PLAGL1: variants seen among roughly 807,000 people sequenced by gnomAD.
The protein encoded by PLAGL1 is zinc finger protein PLAGL1.
Under a neutral mutation model 4.6 loss-of-function variants are expected in PLAGL1, and 1 was observed. The ratio of observed to expected loss-of-function variants is 0.22; its 90% confidence interval spans 0.08 to 1.03. PLAGL1 has a LOEUF of 1.03. PLAGL1 is among the 50% of genes least tolerant of loss of function. The probability of loss-of-function intolerance (pLI) is 0.58; values close to 1 mark genes in which losing one functional copy is unlikely to be tolerated. For synonymous variants in PLAGL1, 240 were observed against 237.8 expected (o/e 1.01, Z -0.08); for missense variants, 464 against 570.4 (o/e 0.81, Z 1.90).
chr6:144,030,058 C>G (rs750204466), intron 1 of PLAGL1, among the ~76,000 whole-genome samples: 3 of 151,884 alleles, frequency 2.0e-5, no homozygotes, highest in Non-Finnish European at 4.4e-5. Context: ...TCGAGACCAT[C>G]CTGGTTAACA....
rs1796035900 is a variant in PLAGL1 at position 144,022,405 on chromosome 6, T to C, written c.-151+42063A>G. On this transcript the variant is annotated intron_variant, in intron 1 of 3. Coordinates refer to the PLAGL1 transcript ENST00000437412. The surrounding 1 kb of genome is among the most constrained non-coding windows in gnomAD (Gnocchi z 4.2). ...TGACAATACAAAATGTTAACAAGGA[T>C]GCAGAGCAACAATCCATCATTGGTG... 6.6e-6 allele frequency among the ~76,000 whole-genome samples: 1 copy of C among 152,250 alleles called. No individual in the cohort carries two copies. The highest frequency in any genetic ancestry group is 1.5e-5 in the Non-Finnish European group (1 of 68,050).
intron 1 of PLAGL1, among the ~76,000 whole-genome samples, chr6:144,062,752 T>C (rs1021399367): frequency 8.5e-5 from 13 of 152,268 alleles, no homozygotes; most frequent in Non-Finnish European, 1.9e-4. Context: ...ACAGCATTTA[T>C]TCATCTTTAT....
chr6:144,045,000 CTTTTTTT>C (rs138373370), intron 1 of PLAGL1, among the ~76,000 whole-genome samples: 2 of 47,322 alleles, frequency 4.2e-5, no homozygotes, highest in South Asian at 1.0e-3. Flanking sequence ...GCAACCCCTG[CTTTTTTT>C]TTTTTTTTTT....
At position 143,972,967 on chromosome 6, in the gene PLAGL1, T is replaced by C. The variant is rs1210230135; in HGVS notation, c.-543-3989A>G. On this transcript the variant is annotated intron_variant, in intron 2 of 7. Coordinates refer to ENST00000674357, the MANE Select transcript of PLAGL1 (RefSeq NM_001317162.2). The surrounding 1 kb of genome is among the most constrained non-coding windows in gnomAD (Gnocchi z 6.8). Reference sequence around the variant, plus strand: ...TGTTCATTACACACTAGCCCCAAACTTGAGTAATTCTAATGTAAGCATGAG... The same window carrying C: ...TGTTCATTACACACTAGCCCCAAACCTGAGTAATTCTAATGTAAGCATGAG... Among the ~76,000 whole-genome samples, 4 of 152,232 alleles carry C rather than the reference T, an allele frequency of 2.6e-5. No individual in the cohort carries two copies. Among genetic ancestry groups the C allele is most frequent in the African/African-American group, 9.6e-5 (4 of 41,458 alleles).
Position 143,990,389 on chromosome 6 carries a change from G to T in PLAGL1, c.-583-5215C>A, listed in dbSNP as rs766622864. Among the ~76,000 whole-genome samples the T allele has an allele frequency of 3.9e-5, 6 of 152,152 alleles. No homozygotes were observed. Among genetic ancestry groups the T allele is most frequent in the South Asian group, 2.1e-4 (1 of 4,824 alleles). On this transcript the variant is annotated intron_variant, in intron 1 of 7. Coordinates refer to ENST00000674357, the MANE Select transcript of PLAGL1 (RefSeq NM_001317162.2). The surrounding 1 kb of genome is among the most constrained non-coding windows in gnomAD (Gnocchi z 5.4). Reference sequence around the variant, plus strand: ...CCGCCTTGGCCTCCCAAAGTGCAGGGATTACAGGTGTGAGCCATCGTGCCC... The same window carrying T: ...CCGCCTTGGCCTCCCAAAGTGCAGGTATTACAGGTGTGAGCCATCGTGCCC...
intron 6 of PLAGL1, among the ~76,000 whole-genome samples, chr6:143,951,028 G>GTGTT (rs1196853872): frequency 6.6e-6 from 1 of 152,198 alleles, no homozygotes; most frequent in African/African-American, 2.4e-5. Flanking sequence ...TGAGCCTCAG[G>GTGTT]TGTTTACCCT....
chr6:144,026,034 A>G (rs1044623050), intron 1 of PLAGL1, among the ~76,000 whole-genome samples: 3 of 152,206 alleles, frequency 2.0e-5, no homozygotes, highest in African/African-American at 7.2e-5. Flanking sequence ...ACCTCTAAAG[A>G]ATTTCTCCAG....
In PLAGL1 at chr6:143,990,131, T is replaced by G. The variant is rs1364185538; in HGVS notation, c.-583-4957A>C. 6.6e-6 allele frequency among the ~76,000 whole-genome samples: 1 copy of G among 152,144 alleles called. No individual in the cohort carries two copies. The highest frequency in any genetic ancestry group is 2.4e-5 in the African/African-American group (1 of 41,424). On this transcript the variant is annotated intron_variant, in intron 1 of 7. Coordinates refer to ENST00000674357, the MANE Select transcript of PLAGL1 (RefSeq NM_001317162.2). This position sits in a 1 kb window ranked among gnomAD's most constrained non-coding sequence, Gnocchi z 5.4. ...CTGATATTCCCCAATTTTTTTTTTTTTCTTTTTTGAGATGGAGTCTCGCTC... is the reference window on the plus strand; with the variant it reads ...CTGATATTCCCCAATTTTTTTTTTTGTCTTTTTTGAGATGGAGTCTCGCTC...
chr6:144,062,958 A>G (rs1278179431), intron 1 of PLAGL1, among the ~76,000 whole-genome samples: 1 of 152,164 alleles, frequency 6.6e-6, no homozygotes, highest in East Asian at 1.9e-4. Flanking sequence ...TGAGAAGAGG[A>G]AGCAGAAATG....
Position 143,987,584 on chromosome 6 carries a change from T to A in PLAGL1, c.-583-2410A>T, listed in dbSNP as rs572566593. Among the ~76,000 whole-genome samples the A allele has an allele frequency of 3.3e-5, 5 of 151,736 alleles. No homozygotes were observed. The South Asian group carries it at 1.0e-3, about 32-fold the overall frequency. On this transcript the variant is annotated intron_variant, in intron 1 of 7. Transcript: ENST00000674357. Reference sequence around the variant, plus strand: ...TTCTTAAAGGTGGGTAAGCAAAAGATCAGGGTGAAGGAAACCCTCTCCTTT... The same window carrying A: ...TTCTTAAAGGTGGGTAAGCAAAAGAACAGGGTGAAGGAAACCCTCTCCTTT...
upstream of PLAGL1, chr6:144,008,589 C>T (rs79396063): frequency 0.17 from 25,386 of 152,220 alleles, 2,323 homozygotes; most frequent in Admixed American, 0.28. The surrounding 1 kb of genome is among the most constrained non-coding windows in gnomAD (Gnocchi z 6.9). Flanking sequence ...CCAGGTACAG[C>T]GCTGGCGCAG....
intron 1 of PLAGL1, among the ~76,000 whole-genome samples, chr6:144,026,075 C>T (rs1020647611): frequency 6.6e-6 from 1 of 152,254 alleles, no homozygotes; most frequent in South Asian, 2.1e-4. Flanking sequence ...CTTTCCCAAC[C>T]CATTCATTCA....
intron 1 of PLAGL1, among the ~76,000 whole-genome samples, chr6:144,030,345 T>TA (rs1796720177): frequency 6.6e-6 from 1 of 151,808 alleles, no homozygotes; most frequent in Non-Finnish European, 1.5e-5. Flanking sequence ...TACAGCTTTT[T>TA]AAAATTTTTT....
Position 143,940,501 on chromosome 6 carries a change from A to G in PLAGL1, c.*923T>C, listed in dbSNP as rs1778349964. Reference sequence around the variant, plus strand: ...AAGCTAATAATGACTGATGAATTACAAATGCACTTATTTATTGGTGATTAC... The same window carrying G: ...AAGCTAATAATGACTGATGAATTACGAATGCACTTATTTATTGGTGATTAC... On this transcript the variant is annotated 3_prime_UTR_variant, in exon 8 of 8. Transcript: ENST00000674357. 2.6e-5 allele frequency: 4 copies of G among 152,436 alleles called. No individual in the cohort carries two copies. In the South Asian group the frequency reaches 8.3e-4, roughly 32 times the overall value. The allele number at this position is 152,436 out of a possible 1,614,324, so 9.4% of individuals were successfully genotyped here. A position where few individuals can be genotyped will look rare whatever the true frequency, so the allele number is the denominator to read the frequency against.
chr6:143,986,766 A>G (rs1243592599), intron 1 of PLAGL1, among the ~76,000 whole-genome samples: 2 of 152,198 alleles, frequency 1.3e-5, no homozygotes, highest in African/African-American at 2.4e-5. Context: ...AGTTTTGCCT[A>G]TCATTCAACA....
chr6:144,025,612 G>A (rs578124024), intron 1 of PLAGL1, among the ~76,000 whole-genome samples: 1 of 152,078 alleles, frequency 6.6e-6, no homozygotes, highest in African/African-American at 2.4e-5. Flanking sequence ...CCTACTGGAC[G>A]GGCACAGTGG....
Position 144,064,095 on chromosome 6 carries a change from C to T in PLAGL1, c.-151+373G>A, listed in dbSNP as rs547164451. Among the ~76,000 whole-genome samples, 2 of 152,298 alleles carry T rather than the reference C, an allele frequency of 1.3e-5. No individual in the cohort carries two copies. The highest frequency in any genetic ancestry group is 2.9e-5 in the Non-Finnish European group (2 of 68,018). On this transcript the variant is annotated intron_variant, in intron 1 of 3. Coordinates refer to the PLAGL1 transcript ENST00000437412. The surrounding 1 kb of genome is among the most constrained non-coding windows in gnomAD (Gnocchi z 6.8). Reference sequence around the variant, plus strand: ...GACCCGGGAGGCGGCGACCTGCCTCCGCGCGGGGACAGTGGCCGGCGGGGC... The same window carrying T: ...GACCCGGGAGGCGGCGACCTGCCTCTGCGCGGGGACAGTGGCCGGCGGGGC...
rs1779532837 is a variant in PLAGL1 at position 143,945,408 on chromosome 6, G to T, written c.152+2577C>A. Among the ~76,000 whole-genome samples the T allele has an allele frequency of 6.6e-6, 1 of 151,942 alleles. No individual in the cohort carries two copies. Among genetic ancestry groups the T allele is most frequent in the Non-Finnish European group, 1.5e-5 (1 of 68,022 alleles). On this transcript the variant is annotated intron_variant, in intron 7 of 7. Coordinates refer to ENST00000674357, the MANE Select transcript of PLAGL1 (RefSeq NM_001317162.2). The surrounding 1 kb of genome is among the most constrained non-coding windows in gnomAD (Gnocchi z 4.2). Reference sequence around the variant, plus strand: ...TTGTCTCTAACTGGTTTCATTATATGCTGTACTGGGACCCACATTCTGTTT... The same window carrying T: ...TTGTCTCTAACTGGTTTCATTATATTCTGTACTGGGACCCACATTCTGTTT...
Position 144,027,048 on chromosome 6 carries a change from G to A in PLAGL1, c.-151+37420C>T, listed in dbSNP as rs921598931. Among the ~76,000 whole-genome samples, 8 of 151,518 alleles carry A rather than the reference G, an allele frequency of 5.3e-5. No individual in the cohort carries two copies. The highest frequency in any genetic ancestry group is 9.7e-5 in the African/African-American group (4 of 41,194). On this transcript the variant is annotated intron_variant, in intron 1 of 3. Coordinates refer to the PLAGL1 transcript ENST00000437412. This position sits in a 1 kb window ranked among gnomAD's most constrained non-coding sequence, Gnocchi z 5.8. Reference sequence around the variant, plus strand: ...GTAAAAAAGTAAGACCCCACCCCCCGACTCTACAAAAACAAAATTAAAAAA... The same window carrying A: ...GTAAAAAAGTAAGACCCCACCCCCCAACTCTACAAAAACAAAATTAAAAAA...
Sources: allele counts gnomAD v4.1 joint callset (sites outside exome capture counted in the v4.1 genomes callset), GRCh38; gene constraint gnomAD v4.1.1; non-coding constraint Gnocchi (gnomAD v3.1); transcripts MANE v1.5; gene names NCBI Gene and HGNC (gene_info 2026-07-23, HGNC 2026-07-21).